The following RCAN1 variants were observed in gnomAD, a reference collection of about 807,000 sequenced individuals.
RCAN1 encodes regulator of calcineurin 1.
A neutral mutation model predicts 22.9 loss-of-function variants in RCAN1; 11 were observed. That is an observed-to-expected ratio of 0.48 (90% CI 0.30 to 0.79). The LOEUF is 0.79. Ranked by LOEUF, RCAN1 falls within the 30% of genes least tolerant of loss-of-function variation. The pLI is 0.06. For missense variants in RCAN1, 291 were observed against 337.8 expected (o/e 0.86, Z 1.09); for synonymous variants, 136 against 142.3 (o/e 0.96, Z 0.32).
At chr21:34,524,776 G>T (rs553344017) in intron 1 of RCAN1, 5 of 283,350 alleles carry the variant, frequency 1.8e-5, no homozygotes, top group Admixed American at 4.7e-5. Context: ...TGCAAAGCTC[G>T]AGGTGGGGGA....
At chr21:34,610,406 T>A (rs983050411) in intron 1 of RCAN1, among the ~76,000 whole-genome samples, 9 of 152,262 alleles carry the variant, frequency 5.9e-5, no homozygotes, top group Non-Finnish European at 8.8e-5. Flanking sequence ...TCTCCTGGTC[T>A]GTGGGCACCA....
chr21:34,564,281 C>T lies in RCAN1; in HGVS notation c.253-40571G>A, dbSNP rs560818813. On this transcript the variant is annotated intron_variant, in intron 1 of 3. Coordinates refer to ENST00000313806, the MANE Select transcript of RCAN1 (RefSeq NM_004414.7). ...GGGATTACAATTCAAGATGAGATTT[C>T]GGGTGGGGACACAGCAAACCATATC... Among the ~76,000 whole-genome samples the T allele has an allele frequency of 1.1e-4, 16 of 152,102 alleles. No individual in the cohort carries two copies. The South Asian group carries it at 2.7e-3, about 26-fold the overall frequency.
At chr21:34,527,894 G>T (rs1332739669) in intron 1 of RCAN1, among the ~76,000 whole-genome samples, 3 of 150,378 alleles carry the variant, frequency 2.0e-5, no homozygotes, top group African/African-American at 7.3e-5. Context: ...GAAATGGAAA[G>T]AATGTACACT....
intron 1 of RCAN1, among the ~76,000 whole-genome samples, chr21:34,603,050 G>T (rs1988404354): frequency 6.6e-6 from 1 of 151,860 alleles, no homozygotes. Flanking sequence ...GAGGGAGAGG[G>T]GTGTCTCTCC....
At chr21:34,582,556 G>A (rs62211901) in intron 1 of RCAN1, among the ~76,000 whole-genome samples, 9,771 of 152,218 alleles carry the variant, frequency 0.064, 454 homozygotes, top group East Asian at 0.23. Flanking sequence ...AGCAGTAGCA[G>A]CAAGGCCAGA....
At chr21:34,554,760 G>A (rs1427830952) in intron 1 of RCAN1, among the ~76,000 whole-genome samples, 2 of 152,188 alleles carry the variant, frequency 1.3e-5, no homozygotes, top group African/African-American at 2.4e-5. Context: ...AAAAGAAAGA[G>A]GTTTAATGGA....
At chr21:34,528,611 C>G (rs528113672) in intron 1 of RCAN1, among the ~76,000 whole-genome samples, 1 of 152,262 alleles carries the variant, frequency 6.6e-6, no homozygotes, top group South Asian at 2.1e-4. Context: ...GCAGGAGAGG[C>G]TAAGGGGAAA....
chr21:34,547,973 G>A (rs1231117616), intron 1 of RCAN1, among the ~76,000 whole-genome samples: 1 of 152,210 alleles, frequency 6.6e-6, no homozygotes, highest in Non-Finnish European at 1.5e-5. Context: ...GGTGAAGTCA[G>A]GTGAGTAGAG....
intron 1 of RCAN1, among the ~76,000 whole-genome samples, chr21:34,602,349 C>A (rs964486109): frequency 4.6e-5 from 7 of 152,162 alleles, no homozygotes; most frequent in African/African-American, 1.4e-4. Flanking sequence ...ACCCCCACAA[C>A]CAACAAGCTC....
intron 1 of RCAN1, among the ~76,000 whole-genome samples, chr21:34,592,903 T>C (rs901641324): frequency 5.3e-5 from 8 of 152,204 alleles, no homozygotes; most frequent in African/African-American, 1.9e-4. Flanking sequence ...AGGACCACAG[T>C]GCTGGTTCTT....
At chr21:34,594,267 G>T (rs1296007540) in intron 1 of RCAN1, among the ~76,000 whole-genome samples, 1 of 152,168 alleles carries the variant, frequency 6.6e-6, no homozygotes, top group African/African-American at 2.4e-5. Context: ...CACAAAAGAA[G>T]GGTGGGCCGG....
chr21:34,605,030 T>C (rs1346550844), intron 1 of RCAN1, among the ~76,000 whole-genome samples: 1 of 152,244 alleles, frequency 6.6e-6, no homozygotes, highest in Non-Finnish European at 1.5e-5. Flanking sequence ...ATGTGATAGT[T>C]AATATTAAGT....
chr21:34,530,673 G>T (rs145565451), intron 1 of RCAN1, among the ~76,000 whole-genome samples: 1 of 135,194 alleles, frequency 7.4e-6, no homozygotes, highest in Non-Finnish European at 1.5e-5. Flanking sequence ...CGCCCAGGCC[G>T]GAGTGCAATG....
At chr21:34,548,847 A>G (rs1368882649) in intron 1 of RCAN1, among the ~76,000 whole-genome samples, 1 of 152,208 alleles carries the variant, frequency 6.6e-6, no homozygotes, top group Non-Finnish European at 1.5e-5. Flanking sequence ...TCTAAGTTCT[A>G]TTGTAAACAA....
chr21:34,571,392 A>G (rs1987229481), intron 1 of RCAN1, among the ~76,000 whole-genome samples: 1 of 152,246 alleles, frequency 6.6e-6, no homozygotes, highest in Admixed American at 6.5e-5. Flanking sequence ...CCTGAAAAAA[A>G]GTTACCACTT....
intron 1 of RCAN1, chr21:34,613,797 C>G: frequency 6.7e-7 from 1 of 1,501,656 alleles, no homozygotes; most frequent in Non-Finnish European, 9.0e-7. Context: ...ATACACCATT[C>G]TGTTTCACAG....
chr21:34,533,003 C>T (rs1010904540), intron 1 of RCAN1, among the ~76,000 whole-genome samples: 1 of 151,024 alleles, frequency 6.6e-6, no homozygotes, highest in Non-Finnish European at 1.5e-5. Flanking sequence ...CTCTGTCGCC[C>T]AGGCTGGAGT....
intron 1 of RCAN1, among the ~76,000 whole-genome samples, chr21:34,526,315 G>A (rs77382564): frequency 0.048 from 7,328 of 152,180 alleles, 199 homozygotes; most frequent in Middle Eastern, 0.075. Context: ...TATTCACAAC[G>A]CTGGCTACAA....
At chr21:34,580,304 G>A (rs954104322) in intron 1 of RCAN1, among the ~76,000 whole-genome samples, 1 of 152,208 alleles carries the variant, frequency 6.6e-6, no homozygotes, top group South Asian at 2.1e-4. Flanking sequence ...TGGCATTCAG[G>A]CCTGATAGTA....
Sources: gnomAD v4.1 joint callset for allele counts (sites outside exome capture counted in the v4.1 genomes callset) on GRCh38, gnomAD v4.1.1 for gene constraint, MANE v1.5 for transcripts, NCBI Gene and HGNC (gene_info 2026-07-23, HGNC 2026-07-21) for gene names.